PDE8A: variants seen among roughly 807,000 people sequenced by gnomAD.
PDE8A encodes the protein high affinity cAMP-specific and IBMX-insensitive 3',5'-cyclic phosphodiesterase 8A.
In PDE8A, 59 loss-of-function variants were observed where a neutral mutation model predicts 105.0. The ratio of observed to expected loss-of-function variants is 0.56; its 90% CI spans 0.46 to 0.70. PDE8A has a LOEUF of 0.70. PDE8A is among the 30% of genes least tolerant of loss of function. PDE8A has a pLI of 0.00. For missense variants in PDE8A, 1,014 were observed against 1,045.9 expected, an observed-to-expected ratio of 0.97 and a Z score of 0.42; for synonymous variants, 355 against 371.9, an observed-to-expected ratio of 0.95 and a Z score of 0.52.
intron 1 of PDE8A, among the ~76,000 whole-genome samples, chr15:84,993,468 A>G (rs1015039950): frequency 2.0e-5 from 3 of 149,824 alleles, no homozygotes; most frequent in Non-Finnish European, 3.0e-5. Context: ...AAAAAAAAGA[A>G]CAAGGATCAC....
intron 16 of PDE8A, chr15:85,116,346 C>A (rs1054312142): frequency 2.5e-5 from 13 of 527,160 alleles, no homozygotes; most frequent in African/African-American, 2.3e-4. Context: ...GAGCCAGTGA[C>A]TTCTCCAAGT....
chr15:85,106,245 A>G (rs1474017245), intron 11 of PDE8A, among the ~76,000 whole-genome samples: 1 of 151,998 alleles, frequency 6.6e-6, no homozygotes, highest in Non-Finnish European at 1.5e-5. Flanking sequence ...TCTTGGCTGC[A>G]GCTACAAGAC....
chr15:85,073,709 A>AAATACC (rs1277583325), intron 3 of PDE8A, among the ~76,000 whole-genome samples: 2 of 152,264 alleles, frequency 1.3e-5, no homozygotes, highest in Non-Finnish European at 2.9e-5. Flanking sequence ...GAAGTGATGA[A>AAATACC]AATACCATTT....
Position 84,982,337 on chromosome 15 carries a change from A to G in PDE8A, c.175A>G (p.Ser59Gly), listed in dbSNP as rs1050547481. Residue 59 changes from serine (S) to glycine (G), a missense_variant, in exon 1 of 22, where the codon AGC becomes GGC. By Grantham distance (56) the Ser-to-Gly change is moderately conservative. Coordinates refer to ENST00000394553, the MANE Select transcript of PDE8A (RefSeq NM_002605.3). ...GLLESELRDG[S>G]GKKVAVADVQ... Reference sequence around the variant, plus strand: ...CTTGGAGTCGGAGCTTCGCGACGGCAGCGGCAAGAAGGTAAGGGGCGCCGG... The same window carrying G: ...CTTGGAGTCGGAGCTTCGCGACGGCGGCGGCAAGAAGGTAAGGGGCGCCGG... 1.1e-5 allele frequency: 15 copies of G among 1,327,150 alleles called. No homozygotes were observed. In the African/African-American group the frequency reaches 2.1e-4, roughly 19 times the overall value. 82.2% of individuals were successfully genotyped at this position (1,327,150 alleles called of 1,614,324 possible).
At chr15:85,003,964 A>T (rs921246365) in intron 1 of PDE8A, among the ~76,000 whole-genome samples, 1 of 152,192 alleles carries the variant, frequency 6.6e-6, no homozygotes, top group Non-Finnish European at 1.5e-5. Context: ...AAAAGGAGAA[A>T]AGAGCATGGA....
chr15:85,097,991 A>G lies in PDE8A; in HGVS notation c.896A>G (p.Asn299Ser), dbSNP rs1596516466. ...TATGCCAAAAAGAAAAACGGAGATA[A>G]TATACAACAAAATGTGAAGATAATA... The part of the protein sequence containing the change: ...IYYAKKKNGD[N>S]IQQNVKIIPV... Residue 299 changes from asparagine (N) to serine (S), a missense_variant, in exon 9 of 22, where the codon AAT becomes AGT. Transcript: ENST00000394553. The G allele has an allele frequency of 6.2e-7, 1 of 1,604,608 alleles. No individual in the cohort carries two copies. Among genetic ancestry groups the G allele is most frequent in the East Asian group, 2.2e-5 (1 of 44,818 alleles).
intron 3 of PDE8A, among the ~76,000 whole-genome samples, chr15:85,069,425 A>G (rs763574345): frequency 1.8e-4 from 27 of 152,206 alleles, no homozygotes; most frequent in Non-Finnish European, 1.5e-5. Context: ...CAGGATTGCT[A>G]GAACAGAGCT....
intron 19 of PDE8A, 144 bp downstream of exon 19, chr15:85,123,337 TACAC>T (rs58421452): frequency 0.041 from 13,403 of 329,428 alleles, 319 homozygotes; most frequent in African/African-American, 0.071. Context: ...ACTAATGGGA[TACAC>T]ACACACACAC....
intron 11 of PDE8A, 118 bp from the exon 12 acceptor site, chr15:85,108,934 CT>C (rs1167912815): frequency 1.5e-6 from 1 of 670,362 alleles, no homozygotes; most frequent in Non-Finnish European, 2.6e-6. Flanking sequence ...ACTGTGTTTA[CT>C]TTTGTGGCAT....
intron 2 of PDE8A, among the ~76,000 whole-genome samples, chr15:85,066,359 T>C (rs1246869671): frequency 6.6e-6 from 1 of 151,842 alleles, no homozygotes; most frequent in Non-Finnish European, 1.5e-5. Flanking sequence ...CCAGGAGTTC[T>C]AGACTAGCCT....
chr15:85,124,266 A>C (rs1340162141), intron 19 of PDE8A, among the ~76,000 whole-genome samples: 2 of 152,174 alleles, frequency 1.3e-5, no homozygotes, highest in Non-Finnish European at 2.9e-5. Context: ...AAGAAGTCTC[A>C]AGGCATAGGA....
At chr15:85,045,374 T>G (rs2080871322) in intron 1 of PDE8A, among the ~76,000 whole-genome samples, 1 of 152,196 alleles carries the variant, frequency 6.6e-6, no homozygotes, top group African/African-American at 2.4e-5. Flanking sequence ...CCAGGTTATT[T>G]TAGACTTTTC....
chr15:85,017,545 A>G (rs1474218776), intron 1 of PDE8A, among the ~76,000 whole-genome samples: 1 of 152,172 alleles, frequency 6.6e-6, no homozygotes, highest in Non-Finnish European at 1.5e-5. Flanking sequence ...TTTGTCAGGA[A>G]AGTTCTAGTT....
At chr15:85,125,197 C>A (rs558984987) in intron 19 of PDE8A, among the ~76,000 whole-genome samples, 1 of 152,232 alleles carries the variant, frequency 6.6e-6, no homozygotes, top group East Asian at 1.9e-4. Context: ...GGATGCCACC[C>A]GTCCATCTTG....
chr15:85,113,527 CAG>C (rs2082049917), intron 13 of PDE8A, 80 bp downstream of exon 13: 2 of 1,175,556 alleles, frequency 1.7e-6, no homozygotes, highest in Admixed American at 1.7e-5. Context: ...TGAGAAGAAA[CAG>C]GGACCCGCAG....
chr15:85,133,511 AC>A (rs2082358917), intron 20 of PDE8A, among the ~76,000 whole-genome samples: 1 of 151,992 alleles, frequency 6.6e-6, no homozygotes, highest in Non-Finnish European at 1.5e-5. Flanking sequence ...GAGTGAAAAT[AC>A]CCTTAAGTTT....
chr15:85,055,617 AGACTAG>A (rs1216355986), intron 1 of PDE8A, among the ~76,000 whole-genome samples: 1 of 152,170 alleles, frequency 6.6e-6, no homozygotes, highest in Non-Finnish European at 1.5e-5. Context: ...GTTTTATCAG[AGACTAG>A]GATTGCAACC....
intron 19 of PDE8A, among the ~76,000 whole-genome samples, chr15:85,125,872 A>G (rs2082250967): frequency 6.6e-6 from 1 of 151,678 alleles, no homozygotes; most frequent in South Asian, 2.1e-4. Context: ...ACCAAGGGGG[A>G]GAGAGAGAGT....
intron 3 of PDE8A, among the ~76,000 whole-genome samples, chr15:85,071,887 A>T (rs2081316559): frequency 6.6e-6 from 1 of 152,230 alleles, no homozygotes; most frequent in Non-Finnish European, 1.5e-5. Flanking sequence ...ATTTTTTATA[A>T]GACACTGTAG....
Sources: allele counts gnomAD v4.1 joint callset (sites outside exome capture counted in the v4.1 genomes callset), GRCh38; gene constraint gnomAD v4.1.1; transcripts MANE v1.5; gene names NCBI Gene and HGNC (gene_info 2026-07-23, HGNC 2026-07-21).